The following IL1RAPL1 variants were observed in gnomAD, a reference collection of about 807,000 sequenced individuals.
The protein encoded by IL1RAPL1 is interleukin-1 receptor accessory protein-like 1.
IL1RAPL1 carries 3 observed loss-of-function variants against 48.4 expected under a neutral mutation model. The observed-to-expected ratio is 0.06, with a 90% CI of 0.03 to 0.16. The LOEUF (loss-of-function observed/expected upper bound fraction) is 0.16, where lower values mean the gene tolerates loss of function less well. Ranked by LOEUF, IL1RAPL1 falls within the 10% of genes least tolerant of loss-of-function variation. The probability of loss-of-function intolerance (pLI) is 1.00; values close to 1 mark genes in which losing one functional copy is unlikely to be tolerated. For missense variants in IL1RAPL1, 349 were observed against 530.6 expected (o/e 0.66, Z 3.36); for synonymous variants, 185 against 187.7 (o/e 0.99, Z 0.12).
chrX:29,221,620 TACACACAC>T (rs35088625), intron 2 of IL1RAPL1, among the ~76,000 whole-genome samples: 3,950 of 79,398 alleles, frequency 0.05, 76 homozygotes, highest in Non-Finnish European at 0.07. Context: ...TACACACACA[TACACACAC>T]ACACACACAC....
chrX:29,442,955 A>AT (rs1343617632), intron 5 of IL1RAPL1, among the ~76,000 whole-genome samples: 2 of 111,011 alleles, frequency 1.8e-5, no homozygotes, highest in Non-Finnish European at 3.8e-5. Context: ...TACCTAAAAT[A>AT]TTTTTTCATT....
At chrX:29,927,452 C>T (rs533553847) in intron 8 of IL1RAPL1, among the ~76,000 whole-genome samples, 130 of 111,790 alleles carry the variant, frequency 1.2e-3, no homozygotes, top group African/African-American at 3.9e-3. Context: ...TCACACTCTA[C>T]TCTTAATGAG....
chrX:29,217,307 A>T (rs763015607), intron 2 of IL1RAPL1, among the ~76,000 whole-genome samples: 62 of 112,398 alleles, frequency 5.5e-4, no homozygotes, highest in South Asian at 1.1e-3. Flanking sequence ...ACTGCCTTAG[A>T]TTCCTAGTAA....
rs1357224331 is a variant in IL1RAPL1 at position 29,820,272 on chromosome X, T to G, written c.779-97192T>G. ...TATGAAAGAGATGATATGGTTAGGA[T>G]TCAATAATATACAGAGGTATTTGTC... On this transcript the variant is annotated intron_variant, in intron 6 of 10. Transcript: ENST00000378993. Among the ~76,000 whole-genome samples the G allele has an allele frequency of 2.7e-5, 3 of 110,809 alleles. No individual in the cohort carries two copies. The Admixed American group carries it at 2.9e-4, about 11-fold the overall frequency.
At chrX:29,689,765 T>C (rs1276775264) in intron 6 of IL1RAPL1, among the ~76,000 whole-genome samples, 1 of 111,882 alleles carries the variant, frequency 8.9e-6, no homozygotes, top group African/African-American at 3.2e-5. Context: ...TGATGAAAAA[T>C]AGTGCTGGAA....
chrX:28,899,509 A>G (rs1445020073), intron 2 of IL1RAPL1, among the ~76,000 whole-genome samples: 1 of 112,008 alleles, frequency 8.9e-6, no homozygotes, highest in African/African-American at 3.2e-5. Flanking sequence ...ACAAAGAATT[A>G]TAAGTGCATT....
chrX:29,882,319 G>A (rs1209432362), intron 6 of IL1RAPL1, among the ~76,000 whole-genome samples: 2 of 111,584 alleles, frequency 1.8e-5, no homozygotes, highest in African/African-American at 6.5e-5. Context: ...GTAGTTAATA[G>A]TATAAGTTCG....
At chrX:29,040,712 G>A (rs1926828198) in intron 2 of IL1RAPL1, among the ~76,000 whole-genome samples, 1 of 112,176 alleles carries the variant, frequency 8.9e-6, no homozygotes, top group Non-Finnish European at 1.9e-5. Context: ...GTGTGTTCAC[G>A]CTTTATGGTG....
At chrX:28,751,583 T>C (rs1936043626) in intron 1 of IL1RAPL1, among the ~76,000 whole-genome samples, 1 of 112,117 alleles carries the variant, frequency 8.9e-6, no homozygotes, top group Non-Finnish European at 1.9e-5. Context: ...ATAAGTAATA[T>C]ATACATTTAT....
chrX:29,085,533 G>T (rs953493802), intron 2 of IL1RAPL1, among the ~76,000 whole-genome samples: 1 of 111,845 alleles, frequency 8.9e-6, no homozygotes, highest in African/African-American at 3.2e-5. Context: ...AGATACAGAG[G>T]ATTTAGCTTG....
At chrX:29,570,270 C>G (rs1029678261) in intron 5 of IL1RAPL1, among the ~76,000 whole-genome samples, 6 of 112,034 alleles carry the variant, frequency 5.4e-5, no homozygotes, top group Non-Finnish European at 1.1e-4. Context: ...TGCTCATGTT[C>G]CTTAATTCTA....
intron 3 of IL1RAPL1, among the ~76,000 whole-genome samples, chrX:29,370,136 G>T (rs1209038445): frequency 9.0e-6 from 1 of 111,349 alleles, no homozygotes; most frequent in Non-Finnish European, 1.9e-5. Context: ...ATTTTTCTCT[G>T]TTTTACCTTG....
At chrX:29,086,248 G>A (rs894488199) in intron 2 of IL1RAPL1, among the ~76,000 whole-genome samples, 1 of 112,034 alleles carries the variant, frequency 8.9e-6, no homozygotes, top group African/African-American at 3.2e-5. Context: ...GCATCCCTAC[G>A]TTTAGTCTGA....
rs72625543 is a variant in IL1RAPL1 at position 29,880,715 on chromosome X, G to T, written c.779-36749G>T. ...AACTTCCCTTTTGACAGGAAATTCT[G>T]TGTCTGATTCTTTTTTTCTTTAAAC... On this transcript the variant is annotated intron_variant, in intron 6 of 10. Coordinates refer to ENST00000378993, the MANE Select transcript of IL1RAPL1 (RefSeq NM_014271.4). Among the ~76,000 whole-genome samples, 7 of 111,206 alleles carry T rather than the reference G, an allele frequency of 6.3e-5. No homozygotes were observed. The East Asian group carries it at 1.1e-3, about 18-fold the overall frequency.
intron 1 of IL1RAPL1, among the ~76,000 whole-genome samples, chrX:28,627,905 A>G (rs1047208450): frequency 4.5e-5 from 5 of 110,677 alleles, no homozygotes; most frequent in Admixed American, 3.9e-4. Context: ...TATTTTAAGC[A>G]ATCCTCTTTC....
Position 29,192,523 on chromosome X carries a change from A to G in IL1RAPL1, c.83-90415A>G, listed in dbSNP as rs768404950. 8.0e-5 allele frequency among the ~76,000 whole-genome samples: 9 copies of G among 112,115 alleles called. No homozygotes were observed. The South Asian group carries it at 3.3e-3, about 42-fold the overall frequency. The stretch of plus-strand genomic sequence containing the variant: ...ACATTGTAATGCACTAAAAGTAACT[A>G]TAAACTAGAAAACCAAATCTATATC... On this transcript the variant is annotated intron_variant, in intron 2 of 10. Coordinates refer to ENST00000378993, the MANE Select transcript of IL1RAPL1 (RefSeq NM_014271.4).
chrX:29,704,538 G>A (rs996069085), intron 6 of IL1RAPL1, among the ~76,000 whole-genome samples: 7 of 110,393 alleles, frequency 6.3e-5, no homozygotes, highest in East Asian at 5.7e-4. Flanking sequence ...GCATGGTGGC[G>A]CGTGACTGTA....
rs1569174106 is a variant in IL1RAPL1, at chrX:29,803,301, A to ATATACACACATGTATATATGTATACATG, written c.779-114154_779-114127dup. ...TATACACACATGTATATATGTATAC[A>ATATACACACATGTATATATGTATACATG]TATACACACATGTATATATGTATAC... is the stretch of plus-strand genomic sequence containing the variant. On this transcript the variant is annotated intron_variant, in intron 6 of 10. Transcript: ENST00000378993. Among the ~76,000 whole-genome samples the ATATACACACATGTATATATGTATACATG allele has an allele frequency of 5.6e-3, 111 of 19,671 alleles. 12 individuals carry two copies. The highest frequency in any genetic ancestry group is 0.02 in the East Asian group (7 of 356). The allele number at this position is 19,671 out of a possible 115,157, so 17.1% of individuals were successfully genotyped here.
chrX:29,628,423 T>A (rs1228432943), intron 5 of IL1RAPL1, among the ~76,000 whole-genome samples: 1 of 111,884 alleles, frequency 8.9e-6, no homozygotes. Flanking sequence ...CTATCAATGA[T>A]CTGATGCATA....
Sources: gnomAD v4.1 joint callset for allele counts (sites outside exome capture counted in the v4.1 genomes callset) on GRCh38, gnomAD v4.1.1 for gene constraint, MANE v1.5 for transcripts, NCBI Gene and HGNC (gene_info 2026-07-23, HGNC 2026-07-21) for gene names.